AP3B1: variants seen among roughly 807,000 people sequenced by gnomAD.
AP3B1 encodes the protein adaptor related protein complex 3 subunit beta 1, also known as AP-3 complex subunit beta-1.
A neutral mutation model predicts 132.5 loss-of-function variants in AP3B1; 61 were observed. The observed-to-expected ratio is 0.46, with a 90% CI of 0.37 to 0.57. The LOEUF (loss-of-function observed/expected upper bound fraction) is 0.57. Ranked by LOEUF, AP3B1 falls within the 20% of genes least tolerant of loss-of-function variation. AP3B1 has a pLI of 0.00. For synonymous variants in AP3B1, 388 were observed against 438.3 expected (o/e 0.89, Z 1.43); for missense variants, 1,120 against 1,289.4 (o/e 0.87, Z 2.01).
chr5:78,232,020 C>A (rs1746668602), intron 3 of AP3B1, among the ~76,000 whole-genome samples: 1 of 152,074 alleles, frequency 6.6e-6, no homozygotes, highest in Admixed American at 6.6e-5. Context: ...TGGTATTAAC[C>A]AGTGACTTTC....
intron 7 of AP3B1, among the ~76,000 whole-genome samples, chr5:78,198,093 C>T (rs1745143980): frequency 6.6e-6 from 1 of 152,168 alleles, no homozygotes; most frequent in Admixed American, 6.5e-5. Context: ...TGTCACCTCT[C>T]ACCTTTATTA....
intron 24 of AP3B1, among the ~76,000 whole-genome samples, chr5:78,032,614 AAGTG>A (rs1311434072): frequency 6.6e-6 from 1 of 152,028 alleles, no homozygotes; most frequent in African/African-American, 2.4e-5. Context: ...CCAATCAAGA[AAGTG>A]AGTAATTGTG....
intron 22 of AP3B1, among the ~76,000 whole-genome samples, chr5:78,070,633 G>A (rs1362388592): frequency 1.3e-5 from 2 of 151,808 alleles, no homozygotes; most frequent in African/African-American, 2.4e-5. Context: ...AACCTACAGA[G>A]TGGGAGAAGA....
At chr5:78,047,114 G>A (rs1580279254) in intron 22 of AP3B1, among the ~76,000 whole-genome samples, 1 of 152,092 alleles carries the variant, frequency 6.6e-6, no homozygotes, top group African/African-American at 2.4e-5. Flanking sequence ...ATGGACATTT[G>A]GGTTACTTCC....
chr5:78,131,088 ATT>A (rs1324622809), intron 15 of AP3B1, among the ~76,000 whole-genome samples: 2 of 151,928 alleles, frequency 1.3e-5, no homozygotes, highest in African/African-American at 2.4e-5. Flanking sequence ...CAAAAATAAC[ATT>A]CTTTCTAAAA....
At chr5:78,189,056 A>C (rs1287563435) in intron 7 of AP3B1, among the ~76,000 whole-genome samples, 1 of 152,088 alleles carries the variant, frequency 6.6e-6, no homozygotes, top group African/African-American at 2.4e-5. Flanking sequence ...AGGGAACAAC[A>C]CTTACTGGGG....
intron 1 of AP3B1, among the ~76,000 whole-genome samples, chr5:78,293,039 C>A (rs898113061): frequency 6.6e-6 from 1 of 151,936 alleles, no homozygotes; most frequent in Non-Finnish European, 1.5e-5. Context: ...CCACCACGCC[C>A]GGCTAATTTT....
intron 12 of AP3B1, among the ~76,000 whole-genome samples, chr5:78,163,615 GTATA>G (rs201406567): frequency 7.0e-6 from 1 of 143,808 alleles, no homozygotes. Flanking sequence ...GTGTGTGTGT[GTATA>G]TATAGTATAT....
rs566759980 is a variant in AP3B1 at position 78,087,821 on chromosome 5, C to T, written c.2577+1572G>A. 6.6e-5 allele frequency among the ~76,000 whole-genome samples: 10 copies of T among 152,272 alleles called. No homozygotes were observed. In the East Asian group the frequency reaches 1.9e-3, roughly 29 times the overall value. On this transcript the variant is annotated intron_variant, in intron 22 of 26. Coordinates refer to ENST00000255194, the MANE Select transcript of AP3B1 (RefSeq NM_003664.5). Reference sequence around the variant, plus strand: ...AAGTAGAAGAGTCTACACTCAGAGTCCATTATCACATATCGTATCACTTTG... The same window carrying T: ...AAGTAGAAGAGTCTACACTCAGAGTTCATTATCACATATCGTATCACTTTG...
At chr5:78,007,807 C>T (rs986389969) in intron 26 of AP3B1, among the ~76,000 whole-genome samples, 4 of 151,980 alleles carry the variant, frequency 2.6e-5, no homozygotes, top group Non-Finnish European at 5.9e-5. Context: ...TAAAGTTAAA[C>T]CATTACACTA....
intron 17 of AP3B1, among the ~76,000 whole-genome samples, chr5:78,118,601 T>C (rs1307256765): frequency 4.6e-5 from 7 of 152,136 alleles, no homozygotes; most frequent in Admixed American, 3.9e-4. Flanking sequence ...GAGACCAAAC[T>C]GCAAGGCGGC....
chr5:78,057,538 C>T (rs893870148), intron 22 of AP3B1, among the ~76,000 whole-genome samples: 3 of 152,102 alleles, frequency 2.0e-5, no homozygotes, highest in Admixed American at 2.0e-4. Context: ...TTCATAGATC[C>T]ATAACACTTT....
At chr5:78,000,892 T>C (rs1378878441), downstream of AP3B1, 2 of 152,232 alleles carry the variant, frequency 1.3e-5, no homozygotes, top group Non-Finnish European at 1.5e-5. Context: ...TTTGGTCGTT[T>C]TTCTGTTTTA....
intron 26 of AP3B1, among the ~76,000 whole-genome samples, chr5:78,011,551 T>C (rs1746628509): frequency 6.6e-6 from 1 of 152,204 alleles, no homozygotes; most frequent in Non-Finnish European, 1.5e-5. Flanking sequence ...GTTAACGAAA[T>C]AAAAAATGTC....
In AP3B1 at chr5:78,141,293, A is replaced by G. The variant is rs536694453; in HGVS notation, c.1500T>C (p.Leu500=). ...ITVPVARASI[L]WLIGENCERV... ...GTTCACAGTTTTCTCCAATTAGCCAAAGAATACTTGCTCTAGCAACAGGAA... is the reference window on the plus strand; with the variant it reads ...GTTCACAGTTTTCTCCAATTAGCCAGAGAATACTTGCTCTAGCAACAGGAA... Residue 500 remains leucine, a synonymous_variant, in exon 15 of 27, where the codon CTT becomes CTC. Transcript: ENST00000255194. 4 of 1,613,646 alleles carry G rather than the reference A, an allele frequency of 2.5e-6. No individual in the cohort carries two copies. In the South Asian group the frequency reaches 4.4e-5, roughly 18 times the overall value.
chr5:78,268,693 C>A (rs1280519813), intron 1 of AP3B1, among the ~76,000 whole-genome samples: 1 of 152,166 alleles, frequency 6.6e-6, no homozygotes, highest in Non-Finnish European at 1.5e-5. Context: ...GTGCCCAGAA[C>A]AAGCACCTGC....
At chr5:78,287,516 G>A (rs1347317365) in intron 1 of AP3B1, among the ~76,000 whole-genome samples, 1 of 151,846 alleles carries the variant, frequency 6.6e-6, no homozygotes, top group South Asian at 2.1e-4. Flanking sequence ...ATCATAAATG[G>A]AACCCTACTG....
chr5:78,089,985 T>C (rs1256259565), intron 21 of AP3B1, among the ~76,000 whole-genome samples: 1 of 152,228 alleles, frequency 6.6e-6, no homozygotes, highest in Non-Finnish European at 1.5e-5. Flanking sequence ...AGCTATGTGC[T>C]AGATAGAAAT....
intron 21 of AP3B1, among the ~76,000 whole-genome samples, chr5:78,099,081 T>A (rs1785537366): frequency 6.6e-6 from 1 of 152,186 alleles, no homozygotes; most frequent in Non-Finnish European, 1.5e-5. Context: ...AAAAGTGGTA[T>A]GAGGGATGGT....
Sources: allele counts gnomAD v4.1 joint callset (sites outside exome capture counted in the v4.1 genomes callset), GRCh38; gene constraint gnomAD v4.1.1; transcripts MANE v1.5; gene names NCBI Gene and HGNC (gene_info 2026-07-23, HGNC 2026-07-21).